Variants in SGCZ observed in about 807,000 individuals in gnomAD.
The protein encoded by SGCZ is zeta-sarcoglycan.
A neutral mutation model predicts 41.3 loss-of-function variants in SGCZ; 40 were observed. That is an observed-to-expected ratio of 0.97 (90% confidence interval 0.75 to 1.26). The LOEUF (loss-of-function observed/expected upper bound fraction) is 1.26. Among genes scored for constraint, SGCZ ranks in the 50% most tolerant of loss-of-function variants. SGCZ has a pLI of 0.00. For synonymous variants in SGCZ, 206 were observed against 137.5 expected, an observed-to-expected ratio of 1.50 and a Z score of -3.49; for missense variants, 552 against 369.8, an observed-to-expected ratio of 1.49 and a Z score of -4.04.
At chr8:15,100,400 T>G (rs192453423) in intron 1 of SGCZ, among the ~76,000 whole-genome samples, 8 of 152,140 alleles carry the variant, frequency 5.3e-5, no homozygotes, top group Admixed American at 4.6e-4. Flanking sequence ...TAATGCAATA[T>G]GTATGAAACA....
intron 1 of SGCZ, among the ~76,000 whole-genome samples, chr8:14,574,716 T>C (rs1804656995): frequency 6.6e-6 from 1 of 152,190 alleles, no homozygotes; most frequent in Non-Finnish European, 1.5e-5. Context: ...TCAAATTAAT[T>C]AGTTATGTTT....
intron 1 of SGCZ, among the ~76,000 whole-genome samples, chr8:15,082,559 G>A (rs114697089): frequency 0.01 from 1,573 of 152,138 alleles, 33 homozygotes; most frequent in African/African-American, 0.036. Flanking sequence ...CAGAAAGACT[G>A]AGATCTCTTT....
chr8:14,781,122 C>T (rs527425590), intron 1 of SGCZ, among the ~76,000 whole-genome samples: 2 of 152,178 alleles, frequency 1.3e-5, no homozygotes, highest in Non-Finnish European at 2.9e-5. Context: ...ATATTACGTA[C>T]TAATTAGAAA....
At chr8:14,452,580 G>A (rs1490977651) in intron 2 of SGCZ, among the ~76,000 whole-genome samples, 1 of 151,970 alleles carries the variant, frequency 6.6e-6, no homozygotes, top group African/African-American at 2.4e-5. Flanking sequence ...CTTTAAAGAT[G>A]GTTTGTAAAC....
intron 1 of SGCZ, among the ~76,000 whole-genome samples, chr8:15,179,188 CTTA>C (rs941597875): frequency 1.2e-4 from 19 of 152,176 alleles, no homozygotes; most frequent in African/African-American, 4.6e-4. Context: ...AGTAAAGATT[CTTA>C]TTAATTGATG....
chr8:14,202,853 G>T (rs983666921), intron 4 of SGCZ, among the ~76,000 whole-genome samples: 3 of 152,122 alleles, frequency 2.0e-5, no homozygotes, highest in African/African-American at 7.2e-5. Context: ...TGGTTTGGCT[G>T]TGTCTCCACC....
intron 2 of SGCZ, among the ~76,000 whole-genome samples, chr8:14,439,090 A>C (rs1241210145): frequency 6.6e-6 from 1 of 151,928 alleles, no homozygotes; most frequent in Non-Finnish European, 1.5e-5. Flanking sequence ...CTTCTTGATA[A>C]CATCAAGGAG....
intron 1 of SGCZ, among the ~76,000 whole-genome samples, chr8:14,896,217 C>T (rs925552150): frequency 9.2e-5 from 14 of 152,098 alleles, no homozygotes; most frequent in Admixed American, 3.9e-4. Context: ...TCCTCTCATC[C>T]GGGAAAGCTG....
chr8:14,113,379 C>G (rs1256671852), intron 5 of SGCZ, among the ~76,000 whole-genome samples: 2 of 151,974 alleles, frequency 1.3e-5, no homozygotes, highest in African/African-American at 4.8e-5. Flanking sequence ...CATATCTATT[C>G]TTACATTTTA....
chr8:14,115,071 C>T (rs764920962), intron 5 of SGCZ, among the ~76,000 whole-genome samples: 9 of 151,888 alleles, frequency 5.9e-5, no homozygotes, highest in South Asian at 2.1e-4. Flanking sequence ...TTACAGTGGA[C>T]GAGCAGAGCT....
intron 1 of SGCZ, among the ~76,000 whole-genome samples, chr8:15,008,058 T>C (rs562813617): frequency 7.0e-4 from 106 of 152,284 alleles, no homozygotes; most frequent in African/African-American, 2.3e-3. Flanking sequence ...TGATTTTCTA[T>C]AAAAATATCA....
intron 1 of SGCZ, among the ~76,000 whole-genome samples, chr8:15,124,482 C>A (rs1563138725): frequency 1.3e-5 from 2 of 152,108 alleles, no homozygotes; most frequent in Non-Finnish European, 2.9e-5. Flanking sequence ...GTTTGCAAGG[C>A]CAGGGCAGCT....
chr8:14,413,456 G>T (rs1470538866), intron 2 of SGCZ, among the ~76,000 whole-genome samples: 1 of 151,802 alleles, frequency 6.6e-6, no homozygotes, highest in African/African-American at 2.4e-5. Context: ...CCTCTTTTAA[G>T]ATTTCTGTCG....
intron 1 of SGCZ, among the ~76,000 whole-genome samples, chr8:14,725,197 A>G (rs747257682): frequency 1.3e-5 from 2 of 152,216 alleles, no homozygotes; most frequent in Non-Finnish European, 2.9e-5. Context: ...ATGGCTGAAT[A>G]ATATTCCATT....
intron 1 of SGCZ, among the ~76,000 whole-genome samples, chr8:14,729,872 G>T (rs1200267855): frequency 6.6e-6 from 1 of 152,150 alleles, no homozygotes; most frequent in South Asian, 2.1e-4. Flanking sequence ...ACCAATTGAG[G>T]TCAGGATTTC....
intron 1 of SGCZ, among the ~76,000 whole-genome samples, chr8:15,003,168 T>C (rs1319716429): frequency 6.6e-6 from 1 of 152,154 alleles, no homozygotes; most frequent in Non-Finnish European, 1.5e-5. Context: ...GAAAGATTTC[T>C]GCCAAGAGAT....
chr8:14,987,409 T>C (rs1801859764), intron 1 of SGCZ, among the ~76,000 whole-genome samples: 1 of 152,106 alleles, frequency 6.6e-6, no homozygotes, highest in South Asian at 2.1e-4. Context: ...AATCCTGTTA[T>C]TGTTTGTGAT....
rs77104445 is a variant in SGCZ, at chr8:14,733,464, T to A, written c.40-178538A>T. ...AAAACTTCTTCTTTCCCGGCATTCA[T>A]GTCCATATCTGTGTCTTATCATACC... is the stretch of plus-strand genomic sequence containing the variant. On this transcript the variant is annotated intron_variant, in intron 1 of 7. Coordinates refer to ENST00000382080, the MANE Select transcript of SGCZ (RefSeq NM_139167.4). Among the ~76,000 whole-genome samples, 728 of 152,334 alleles carry A rather than the reference T, an allele frequency of 4.8e-3. 9 individuals carry two copies. Among genetic ancestry groups the A allele is most frequent in the Middle Eastern group, 0.017 (5 of 294 alleles).
intron 1 of SGCZ, among the ~76,000 whole-genome samples, chr8:15,233,251 C>G (rs1005131614): frequency 1.3e-5 from 2 of 150,242 alleles, no homozygotes; most frequent in African/African-American, 4.9e-5. Context: ...ATACCACCTA[C>G]TTAGATTCAT....
Sources: allele counts gnomAD v4.1 joint callset (sites outside exome capture counted in the v4.1 genomes callset), GRCh38; gene constraint gnomAD v4.1.1; transcripts MANE v1.5; gene names NCBI Gene and HGNC (gene_info 2026-07-23, HGNC 2026-07-21).